The following EFCAB6 variants were observed in gnomAD, a reference collection of about 807,000 sequenced individuals.
EFCAB6 encodes EF-hand calcium binding domain 6.
EFCAB6 carries 156 observed loss-of-function variants against 169.8 expected under a neutral mutation model. The ratio of observed to expected loss-of-function variants is 0.92; its 90% CI spans 0.81 to 1.05. The LOEUF is 1.05. Ranked by LOEUF, EFCAB6 falls within the 50% of genes least tolerant of loss-of-function variation. The pLI is 0.00. For synonymous variants in EFCAB6, 698 were observed against 676.4 expected, an observed-to-expected ratio of 1.03 and a Z score of -0.50; for missense variants, 1,800 against 1,829.1, an observed-to-expected ratio of 0.98 and a Z score of 0.29.
intron 10 of EFCAB6, among the ~76,000 whole-genome samples, chr22:43,695,542 T>A (rs1199022002): frequency 6.6e-6 from 1 of 151,968 alleles, no homozygotes; most frequent in Non-Finnish European, 1.5e-5. Flanking sequence ...GATTTTGAAA[T>A]AGAAAAACAA....
At chr22:43,734,795 G>T (rs1404993159) in intron 7 of EFCAB6, among the ~76,000 whole-genome samples, 3 of 152,036 alleles carry the variant, frequency 2.0e-5, no homozygotes, top group Non-Finnish European at 4.4e-5. Flanking sequence ...AAGTCTGCCT[G>T]CTTTTCAGGC....
intron 24 of EFCAB6, among the ~76,000 whole-genome samples, chr22:43,582,888 G>C (rs543434930): frequency 2.9e-4 from 44 of 152,152 alleles, no homozygotes; most frequent in Non-Finnish European, 5.4e-4. Flanking sequence ...CCTGGATAAG[G>C]CTACTGCAAA....
rs188278785 is a variant in EFCAB6 at position 43,671,123 on chromosome 22, C to G, written c.1640+850G>C. 4.4e-3 allele frequency among the ~76,000 whole-genome samples: 663 copies of G among 152,324 alleles called. 2 individuals carry two copies. Among genetic ancestry groups the G allele is most frequent in the Non-Finnish European group, 6.1e-3 (414 of 68,030 alleles). On this transcript the variant is annotated intron_variant, in intron 15 of 31. Coordinates refer to ENST00000262726, the MANE Select transcript of EFCAB6 (RefSeq NM_022785.4). ...GAGAGGCTGGTGGAGGGCCTGTGAACCATCTGCATGGTTCCTAATGGCAGT... is the reference window on the plus strand; with the variant it reads ...GAGAGGCTGGTGGAGGGCCTGTGAAGCATCTGCATGGTTCCTAATGGCAGT...
intron 12 of EFCAB6, 136 bp from the exon 13 acceptor site, chr22:43,678,299 T>C (rs2057858589): frequency 2.6e-6 from 2 of 769,562 alleles, no homozygotes; most frequent in Non-Finnish European, 4.1e-6. Context: ...TGCAAATACA[T>C]CGACTGATGA....
chr22:43,561,720 C>G (rs369183813), intron 26 of EFCAB6, among the ~76,000 whole-genome samples: 2 of 152,212 alleles, frequency 1.3e-5, no homozygotes, highest in African/African-American at 4.8e-5. Context: ...GAACAGATGG[C>G]TCTTGGTCTG....
intron 17 of EFCAB6, among the ~76,000 whole-genome samples, chr22:43,662,811 T>C (rs2057070553): frequency 6.6e-6 from 1 of 152,274 alleles, no homozygotes. Flanking sequence ...AAGCCTCTAC[T>C]ACATGCAGCA....
chr22:43,600,726 C>T (rs79446641), intron 22 of EFCAB6, among the ~76,000 whole-genome samples: 2,803 of 152,084 alleles, frequency 0.018, 82 homozygotes, highest in African/African-American at 0.064. Context: ...TACAGTGGTG[C>T]GAGCTGGGCT....
chr22:43,773,141 A>G, intron 3 of EFCAB6, 38 bp from the exon 4 acceptor site: 1 of 1,599,924 alleles, frequency 6.3e-7, no homozygotes, highest in Non-Finnish European at 8.6e-7. Flanking sequence ...AACATGTTTA[A>G]AGCCAAGATA....
intron 8 of EFCAB6, among the ~76,000 whole-genome samples, chr22:43,719,279 C>G (rs2059441130): frequency 6.6e-6 from 1 of 152,182 alleles, no homozygotes; most frequent in Non-Finnish European, 1.5e-5. Flanking sequence ...TTCTGATTTT[C>G]TCAAAATTTC....
intron 19 of EFCAB6, 93 bp from the exon 20 acceptor site, chr22:43,626,772 G>A (rs891446650): frequency 8.4e-6 from 10 of 1,184,826 alleles, no homozygotes; most frequent in South Asian, 4.0e-5. Flanking sequence ...ATCTCCACGC[G>A]AGGAGGGGCA....
intron 5 of EFCAB6, among the ~76,000 whole-genome samples, chr22:43,756,745 A>G (rs1182851065): frequency 6.6e-6 from 1 of 152,308 alleles, no homozygotes; most frequent in East Asian, 1.9e-4. Context: ...TAAATTGGAG[A>G]TGGGGGAAGA....
intron 8 of EFCAB6, among the ~76,000 whole-genome samples, chr22:43,722,978 T>C (rs935734642): frequency 6.6e-6 from 1 of 152,216 alleles, no homozygotes; most frequent in Admixed American, 6.5e-5. Flanking sequence ...CTGCATGTTC[T>C]CTCTTATAAG....
chr22:43,584,031 T>G (rs2050898214), intron 24 of EFCAB6, among the ~76,000 whole-genome samples: 1 of 152,162 alleles, frequency 6.6e-6, no homozygotes, highest in African/African-American at 2.4e-5. Flanking sequence ...AATATTTACA[T>G]AGTTATAATA....
At chr22:43,811,948 A>G (rs2063145662) in intron 1 of EFCAB6, among the ~76,000 whole-genome samples, 1 of 152,192 alleles carries the variant, frequency 6.6e-6, no homozygotes, top group Non-Finnish European at 1.5e-5. Flanking sequence ...CTACGGGAAC[A>G]GGGGCCCTAC....
chr22:43,806,295 G>A (rs2062920842), intron 2 of EFCAB6, among the ~76,000 whole-genome samples: 1 of 150,774 alleles, frequency 6.6e-6, no homozygotes, highest in Non-Finnish European at 1.5e-5. Flanking sequence ...GAGGTCTCAC[G>A]CTGGAATGCA....
chr22:43,694,970 C>A (rs1262232051), intron 10 of EFCAB6, among the ~76,000 whole-genome samples: 2 of 151,920 alleles, frequency 1.3e-5, no homozygotes, highest in Non-Finnish European at 2.9e-5. Context: ...CCAGTCCTGG[C>A]CAGTAAAACT....
At chr22:43,750,418 G>A (rs76513336) in intron 6 of EFCAB6, among the ~76,000 whole-genome samples, 12,790 of 152,190 alleles carry the variant, frequency 0.084, 671 homozygotes, top group South Asian at 0.17. Flanking sequence ...GCTTTTCTGC[G>A]GGGAGGAAAC....
At position 43,628,145 on chromosome 22, in the gene EFCAB6, C is replaced by A. The variant is rs2054656353; in HGVS notation, c.2233-1466G>T. Reference sequence around the variant, plus strand: ...GGGGCATTTTCTCTGGGATGTCAAACTGAACATGGCCCAAATCAAACTCCT... The same window carrying A: ...GGGGCATTTTCTCTGGGATGTCAAAATGAACATGGCCCAAATCAAACTCCT... On this transcript the variant is annotated intron_variant, in intron 19 of 31. Coordinates refer to ENST00000262726, the MANE Select transcript of EFCAB6 (RefSeq NM_022785.4). This position sits in a 1 kb window ranked among gnomAD's most constrained non-coding sequence, Gnocchi z 4.8. Among the ~76,000 whole-genome samples the A allele has an allele frequency of 6.6e-6, 1 of 152,084 alleles. No individual in the cohort carries two copies. Among genetic ancestry groups the A allele is most frequent in the Non-Finnish European group, 1.5e-5 (1 of 68,012 alleles).
rs532063922 is a variant in EFCAB6 at position 43,546,974 on chromosome 22, C to A, written c.3649-6617G>T. ...AAGATATTTTCAGATAAAAACTGGG[C>A]GAACTTAAGATCATAACTAAAGGAA... On this transcript the variant is annotated intron_variant, in intron 27 of 31. Transcript: ENST00000262726. 1.6e-3 allele frequency among the ~76,000 whole-genome samples: 249 copies of A among 151,858 alleles called. 3 individuals are homozygous for A. The highest frequency in any genetic ancestry group is 5.6e-3 in the African/African-American group (231 of 41,388).
Sources: gnomAD v4.1 joint callset for allele counts (sites outside exome capture counted in the v4.1 genomes callset) on GRCh38, gnomAD v4.1.1 for gene constraint, Gnocchi (gnomAD v3.1) non-coding constraint, MANE v1.5 for transcripts, NCBI Gene and HGNC (gene_info 2026-07-23, HGNC 2026-07-21) for gene names.